ADARB1: variants seen among roughly 807,000 people sequenced by gnomAD.
ADARB1 encodes the protein adenosine deaminase RNA specific B1.
In ADARB1, 10 loss-of-function variants were observed where a neutral mutation model predicts 52.4. That is an observed-to-expected ratio of 0.19 (90% CI 0.12 to 0.32). The LOEUF (loss-of-function observed/expected upper bound fraction) is 0.32. Ranked by LOEUF, ADARB1 falls within the 10% of genes least tolerant of loss-of-function variation. The probability of loss-of-function intolerance (pLI) is 1.00; values close to 1 mark genes in which losing one functional copy is unlikely to be tolerated. For missense variants in ADARB1, 643 were observed against 922.3 expected (o/e 0.70, Z 3.92); for synonymous variants, 349 against 371.1 (o/e 0.94, Z 0.68).
rs1311377615 is a variant in ADARB1, at chr21:45,222,001, T to C, written c.1927-17T>C. The C allele has an allele frequency of 6.2e-7, 1 of 1,612,138 alleles. No homozygotes were observed. The highest frequency in any genetic ancestry group is 8.5e-7 in the Non-Finnish European group (1 of 1,178,758). On this transcript the variant is annotated splice_polypyrimidine_tract_variant and intron_variant, in intron 10 of 10. Coordinates refer to ENST00000348831, the MANE Select transcript of ADARB1 (RefSeq NM_001112.4). ...TACAGCGTCAACAGTTGCATTTGTT[T>C]TTTTATCCCTTCACAGGTTCCCTCC...
In ADARB1 at chr21:45,220,995, G is replaced by A; in HGVS notation, c.1907G>A (p.Trp636Ter). The change falls in exon 10 of 11, where the codon TGG (tryptophan) becomes TAG (stop). Residue 636 changes from tryptophan to a stop codon, truncating the protein, a stop_gained. Coordinates refer to ENST00000348831, the MANE Select transcript of ADARB1 (RefSeq NM_001112.4). LOFTEE classifies it high-confidence loss of function. This position sits in a 1 kb window ranked among gnomAD's most constrained non-coding sequence, Gnocchi z 6.3. ...RLCKHALYCRWMRVHGKVPSH... is the reference protein window; with the variant it reads ...RLCKHALYCR The stretch of plus-strand genomic sequence containing the variant: ...TGTAAGCACGCGTTGTACTGTCGCT[G>A]GATGCGTGTGCACGGCAAGGTACTG... 6.2e-7 allele frequency: 1 copy of A among 1,612,192 alleles called. No homozygotes were observed. Among genetic ancestry groups the A allele is most frequent in the Non-Finnish European group, 8.5e-7 (1 of 1,179,794 alleles).
chr21:45,133,033 T>C (rs1247814715), intron 2 of ADARB1, among the ~76,000 whole-genome samples: 1 of 152,236 alleles, frequency 6.6e-6, no homozygotes, highest in African/African-American at 2.4e-5. Context: ...GCGGCTCATC[T>C]GTCAAGTTTT....
chr21:45,148,491 C>T (rs1302631039), intron 2 of ADARB1, among the ~76,000 whole-genome samples: 3 of 152,148 alleles, frequency 2.0e-5, no homozygotes, highest in South Asian at 4.1e-4. Context: ...GCTGTAATGT[C>T]GTAAAGTATG....
chr21:45,127,514 G>C (rs1246413056), intron 1 of ADARB1, among the ~76,000 whole-genome samples: 1 of 152,218 alleles, frequency 6.6e-6, no homozygotes, highest in East Asian at 1.9e-4. Context: ...GTAGATGAAT[G>C]TCAGCTGGTC....
At chr21:45,190,891 C>T (rs1486119242) in intron 8 of ADARB1, among the ~76,000 whole-genome samples, 3 of 152,236 alleles carry the variant, frequency 2.0e-5, no homozygotes, top group Non-Finnish European at 4.4e-5. Context: ...AGGCTTCCTC[C>T]CACTTAGGGG....
chr21:45,224,190 A>G lies in ADARB1; in HGVS notation c.*1993A>G. The G allele has an allele frequency of 7.1e-6, 7 of 985,424 alleles. No homozygotes were observed. The highest frequency in any genetic ancestry group is 8.4e-6 in the Non-Finnish European group (7 of 829,940). The allele number at this position is 985,424 out of a possible 1,614,324, so 61.0% of individuals were successfully genotyped here. ...TTGGGAGATGGACTTCGTTTTTAAA[A>G]ATATGTGGATTTTGGTTACCAAGTT... On this transcript the variant is annotated 3_prime_UTR_variant, in exon 11 of 11. Transcript: ENST00000348831.
At chr21:45,086,244 A>C (rs1309753339) in intron 1 of ADARB1, among the ~76,000 whole-genome samples, 1 of 152,206 alleles carries the variant, frequency 6.6e-6, no homozygotes, top group African/African-American at 2.4e-5. Flanking sequence ...GCAAGTTATG[A>C]TCAAATAATG....
Position 45,157,475 on chromosome 21 carries a change from C to T in ADARB1, c.-47-14135C>T, listed in dbSNP as rs979175341. ...CAAATGCATTGCTGCTGCGTTTGCA[C>T]TGTGAAGGACGGAGCAACTTCACGA... On this transcript the variant is annotated intron_variant, in intron 2 of 10. Transcript: ENST00000348831. This position sits in a 1 kb window ranked among gnomAD's most constrained non-coding sequence, Gnocchi z 4.1. Among the ~76,000 whole-genome samples, 2 of 151,736 alleles carry T rather than the reference C, an allele frequency of 1.3e-5. No homozygotes were observed. The highest frequency in any genetic ancestry group is 2.9e-5 in the Non-Finnish European group (2 of 68,012).
intron 2 of ADARB1, among the ~76,000 whole-genome samples, chr21:45,160,539 C>G (rs1411287876): frequency 6.6e-6 from 1 of 152,194 alleles, no homozygotes. Context: ...TAAAATACTT[C>G]CAGTTGCTTA....
intron 2 of ADARB1, among the ~76,000 whole-genome samples, chr21:45,140,641 A>ATG (rs2089671323): frequency 6.6e-6 from 1 of 151,818 alleles, no homozygotes; most frequent in African/African-American, 2.4e-5. Flanking sequence ...GCGTGAGTGT[A>ATG]TGTGTGTGTG....
At chr21:45,094,959 G>A (rs1208579295) in intron 1 of ADARB1, among the ~76,000 whole-genome samples, 1 of 152,182 alleles carries the variant, frequency 6.6e-6, no homozygotes, top group East Asian at 1.9e-4. Flanking sequence ...TGCTGCCCAT[G>A]TGCTGGGCAC....
At chr21:45,197,126 T>C (rs1601908371) in intron 8 of ADARB1, among the ~76,000 whole-genome samples, 1 of 152,290 alleles carries the variant, frequency 6.6e-6, no homozygotes, top group African/African-American at 2.4e-5. Flanking sequence ...TGCAGTGAGC[T>C]GAGATTGCGC....
chr21:45,120,978 C>G (rs963360724), intron 1 of ADARB1: 1 of 152,186 alleles, frequency 6.6e-6, no homozygotes, highest in African/African-American at 2.4e-5. Context: ...GTATTCAACT[C>G]AGGTGTGACC....
intron 2 of ADARB1, among the ~76,000 whole-genome samples, chr21:45,140,137 G>T (rs1397211410): frequency 6.6e-6 from 1 of 151,736 alleles, no homozygotes; most frequent in Non-Finnish European, 1.5e-5. Flanking sequence ...GAGATGGGGT[G>T]TTGCCATGTT....
chr21:45,153,657 T>C (rs2090416746), intron 2 of ADARB1, among the ~76,000 whole-genome samples: 1 of 152,210 alleles, frequency 6.6e-6, no homozygotes, highest in African/African-American at 2.4e-5. Context: ...TAGTACCTTG[T>C]AATATAACAA....
At chr21:45,202,981 G>T (rs2092590441) in intron 8 of ADARB1, among the ~76,000 whole-genome samples, 1 of 150,640 alleles carries the variant, frequency 6.6e-6, no homozygotes, top group Admixed American at 6.6e-5. Context: ...GTGCCACACT[G>T]TGCTGAGCGT....
chr21:45,136,609 G>A (rs1258941030), intron 2 of ADARB1, among the ~76,000 whole-genome samples: 3 of 152,242 alleles, frequency 2.0e-5, no homozygotes, highest in Admixed American at 6.5e-5. Flanking sequence ...GACAAATGTG[G>A]GGACAGACCA....
In ADARB1 at chr21:45,220,953, G is replaced by C; in HGVS notation, c.1865G>C (p.Gly622Ala). 1 of 1,613,316 alleles carries C rather than the reference G, an allele frequency of 6.2e-7. No homozygotes were observed. The highest frequency in any genetic ancestry group is 8.5e-7 in the Non-Finnish European group (1 of 1,180,028). The change falls in exon 10 of 11, where the codon GGC (glycine) becomes GCC (alanine). Residue 622 changes from glycine to alanine, a missense_variant. Transcript: ENST00000348831. This position sits in a 1 kb window ranked among gnomAD's most constrained non-coding sequence, Gnocchi z 6.3. ...INATTGKDELGRASRLCKHAL... is the reference protein window; with the variant it reads ...INATTGKDELARASRLCKHAL... ...GCCACGACTGGGAAGGATGAGCTGG[G>C]CCGCGCGTCCCGCCTGTGTAAGCAC... is the stretch of plus-strand genomic sequence containing the variant.
chr21:45,225,901 G>A lies in ADARB1; in HGVS notation c.*3704G>A, dbSNP rs2093052512. 4.2e-6 allele frequency: 1 copy of A among 237,902 alleles called. No individual in the cohort carries two copies. 14.7% of individuals were successfully genotyped at this position (237,902 alleles called of 1,614,324 possible). On this transcript the variant is annotated 3_prime_UTR_variant, in exon 11 of 11. Transcript: ENST00000348831. ...GCGTGTTTTGTGACAATCTCCCTGG[G>A]TGAGGAGTGGGTGCACCCAGCCCCG...
Sources: allele counts gnomAD v4.1 joint callset (sites outside exome capture counted in the v4.1 genomes callset), GRCh38; gene constraint gnomAD v4.1.1; non-coding constraint Gnocchi (gnomAD v3.1); transcripts MANE v1.5; gene names NCBI Gene and HGNC (gene_info 2026-07-23, HGNC 2026-07-21).